Variants in DOCK8 observed in about 807,000 individuals in gnomAD.
DOCK8 encodes dedicator of cytokinesis 8.
DOCK8 carries 141 observed loss-of-function variants against 245.6 expected under a neutral mutation model. That is an observed-to-expected ratio of 0.57 (90% CI 0.50 to 0.66). The LOEUF (loss-of-function observed/expected upper bound fraction) is 0.66, where lower values mean the gene tolerates loss of function less well. Among genes scored for constraint, DOCK8 ranks in the 30% least tolerant of loss-of-function variants. DOCK8 has a pLI of 0.00. For missense variants in DOCK8, 2,965 were observed against 2,603.4 expected (o/e 1.14, Z -3.02); for synonymous variants, 1,168 against 970.2 (o/e 1.20, Z -3.79).
chr9:356,431 G>A (rs2052449409), intron 14 of DOCK8, among the ~76,000 whole-genome samples: 1 of 151,706 alleles, frequency 6.6e-6, no homozygotes, highest in Admixed American at 6.6e-5. Flanking sequence ...TCCGGAGGCT[G>A]AGGCAGGAGA....
At position 439,395 on chromosome 9, in the gene DOCK8, G is replaced by A. The variant is rs1373272294; in HGVS notation, c.5223+7G>A. ...CGCGGAGCTCTTCAGCACGGTCAGT[G>A]CCCAGAGGGCATCCCGGGGCCTGGC... On this transcript the variant is annotated splice_region_variant and intron_variant, in intron 40 of 47. Transcript: ENST00000432829. 4 of 1,612,496 alleles carry A rather than the reference G, an allele frequency of 2.5e-6. No individual in the cohort carries two copies. The highest frequency in any genetic ancestry group is 3.4e-6 in the Non-Finnish European group (4 of 1,180,012).
intron 14 of DOCK8, among the ~76,000 whole-genome samples, chr9:356,245 T>G (rs1262424892): frequency 6.6e-6 from 1 of 152,142 alleles, no homozygotes; most frequent in Non-Finnish European, 1.5e-5. Flanking sequence ...GTAAAAAATT[T>G]TGGCTGGGCG....
At chr9:288,336 A>G (rs1438635218) in intron 3 of DOCK8, among the ~76,000 whole-genome samples, 3 of 152,154 alleles carry the variant, frequency 2.0e-5, no homozygotes, top group Non-Finnish European at 2.9e-5. Flanking sequence ...GTGGTAGTGA[A>G]AAACATGAAC....
chr9:415,953 T>C (rs1327971369), intron 29 of DOCK8, among the ~76,000 whole-genome samples: 3 of 152,210 alleles, frequency 2.0e-5, no homozygotes, highest in Non-Finnish European at 4.4e-5. Flanking sequence ...GACAAGTATT[T>C]AGTTCATGAA....
chr9:405,434 T>G (rs12349415), intron 27 of DOCK8, among the ~76,000 whole-genome samples: 6,210 of 152,300 alleles, frequency 0.041, 430 homozygotes, highest in African/African-American at 0.14. Context: ...TTGGAAACCA[T>G]GTATTCACCA....
chr9:225,067 A>G lies in DOCK8; in HGVS notation c.53+10038A>G, dbSNP rs116922219. The stretch of plus-strand genomic sequence containing the variant: ...ACCTTATTCTCTGTCCAATAATTTC[A>G]CTCAAATCAACAAGATATTTTATTG... On this transcript the variant is annotated intron_variant, in intron 1 of 47. Transcript: ENST00000432829. 2.6e-3 allele frequency among the ~76,000 whole-genome samples: 403 copies of G among 152,242 alleles called. 2 individuals are homozygous for G. Among genetic ancestry groups the G allele is most frequent in the Non-Finnish European group, 4.3e-3 (290 of 68,018 alleles).
intron 1 of DOCK8, among the ~76,000 whole-genome samples, chr9:217,376 C>T (rs919062886): frequency 1.3e-5 from 2 of 152,188 alleles, no homozygotes; most frequent in Non-Finnish European, 2.9e-5. Flanking sequence ...CAGTGGCTGG[C>T]TGGGAGCTTT....
chr9:326,778 A>G (rs1035707637), intron 8 of DOCK8, among the ~76,000 whole-genome samples: 10 of 152,152 alleles, frequency 6.6e-5, no homozygotes, highest in Admixed American at 6.5e-4. Flanking sequence ...TGAAGAAGAG[A>G]AAAGAAGGAT....
intron 1 of DOCK8, among the ~76,000 whole-genome samples, chr9:226,368 T>C (rs2046990533): frequency 6.6e-6 from 1 of 152,006 alleles, no homozygotes; most frequent in South Asian, 2.1e-4. Context: ...AAGATGAGAT[T>C]TGGGTGGAGA....
Position 432,268 on chromosome 9 carries a change from A to G in DOCK8, c.4729A>G (p.Ile1577Val), listed in dbSNP as rs1052857345. The change falls in exon 37 of 48, where the codon ATT (isoleucine) becomes GTT (valine). Residue 1577 changes from isoleucine to valine, a missense_variant. Coordinates refer to ENST00000432829, the MANE Select transcript of DOCK8 (RefSeq NM_203447.4). ...GCACCTGAGAAGATCCTTGAGGACAATTTTGGCCTATTCAGAAGAGGACAC... is the reference window on the plus strand; with the variant it reads ...GCACCTGAGAAGATCCTTGAGGACAGTTTTGGCCTATTCAGAAGAGGACAC... ...EEHLRRSLRTILAYSEEDTAM... is the reference protein window; with the variant it reads ...EEHLRRSLRTVLAYSEEDTAM... The G allele has an allele frequency of 6.2e-7, 1 of 1,613,966 alleles. No individual in the cohort carries two copies. The highest frequency in any genetic ancestry group is 1.7e-5 in the Admixed American group (1 of 59,996).
At chr9:275,778 A>G (rs1174963797) in intron 2 of DOCK8, among the ~76,000 whole-genome samples, 3 of 152,098 alleles carry the variant, frequency 2.0e-5, no homozygotes, top group African/African-American at 7.2e-5. Flanking sequence ...TAGTAGAGAC[A>G]GGGTTTCACC....
chr9:391,685 G>A lies in DOCK8; in HGVS notation c.2970+1119G>A, dbSNP rs534997641. Among the ~76,000 whole-genome samples, 47 of 152,228 alleles carry A rather than the reference G, an allele frequency of 3.1e-4. No homozygotes were observed. In the South Asian group the frequency reaches 9.3e-3, roughly 30 times the overall value. On this transcript the variant is annotated intron_variant, in intron 24 of 47. Coordinates refer to ENST00000432829, the MANE Select transcript of DOCK8 (RefSeq NM_203447.4). ...CATAATGAGATGATGTTGAATGAAA[G>A]AGGTCTAAAGACATAGACACCAACT...
At chr9:373,661 G>A (rs999219462) in intron 18 of DOCK8, among the ~76,000 whole-genome samples, 7 of 151,946 alleles carry the variant, frequency 4.6e-5, no homozygotes, top group African/African-American at 1.5e-4. Flanking sequence ...CTGTTCTTTC[G>A]CCATCTACCG....
At chr9:227,757 A>G (rs1004529290) in intron 1 of DOCK8, among the ~76,000 whole-genome samples, 3 of 152,136 alleles carry the variant, frequency 2.0e-5, no homozygotes, top group African/African-American at 7.2e-5. Context: ...ATTGGGACTG[A>G]AGAATGGATA....
chr9:271,895 C>T (rs1443124360), intron 2 of DOCK8, among the ~76,000 whole-genome samples, 166 bp downstream of exon 2: 1 of 152,176 alleles, frequency 6.6e-6, no homozygotes, highest in Non-Finnish European at 1.5e-5. Flanking sequence ...ATCCCTCTCT[C>T]TCTCTGCCAA....
At chr9:394,674 G>A (rs1564004002) in intron 24 of DOCK8, among the ~76,000 whole-genome samples, 1 of 152,218 alleles carries the variant, frequency 6.6e-6, no homozygotes, top group Non-Finnish European at 1.5e-5. Flanking sequence ...GGGTGACCTA[G>A]TTTACTCACT....
intron 45 of DOCK8, among the ~76,000 whole-genome samples, chr9:451,206 G>C (rs2057420990): frequency 6.6e-6 from 1 of 152,074 alleles, no homozygotes; most frequent in Admixed American, 6.6e-5. Flanking sequence ...CAGTACTTGG[G>C]AGGCTGAGGC....
chr9:266,660 G>A (rs1393677735), intron 1 of DOCK8, among the ~76,000 whole-genome samples: 1 of 152,014 alleles, frequency 6.6e-6, no homozygotes. Flanking sequence ...ATAATTATCT[G>A]CTGATCTGAA....
intron 1 of DOCK8, among the ~76,000 whole-genome samples, chr9:246,686 A>G (rs982341660): frequency 7.2e-5 from 11 of 152,120 alleles, no homozygotes; most frequent in African/African-American, 2.7e-4. Context: ...AAATGATGAT[A>G]TTTTCTTAGT....
Sources: gnomAD v4.1 joint callset for allele counts (sites outside exome capture counted in the v4.1 genomes callset) on GRCh38, gnomAD v4.1.1 for gene constraint, MANE v1.5 for transcripts, NCBI Gene and HGNC (gene_info 2026-07-23, HGNC 2026-07-21) for gene names.